The following NFIB variants were observed in gnomAD, a reference collection of about 807,000 sequenced individuals.
NFIB encodes nuclear factor 1 B-type.
A neutral mutation model predicts 61.5 loss-of-function variants in NFIB; 11 were observed. The ratio of observed to expected loss-of-function variants is 0.18; its 90% CI spans 0.11 to 0.30. NFIB has a LOEUF of 0.30. NFIB is among the 10% of genes least tolerant of loss of function. The probability of loss-of-function intolerance (pLI) is 1.00; values close to 1 mark genes in which losing one functional copy is unlikely to be tolerated. For synonymous variants in NFIB, 260 were observed against 216.5 expected (o/e 1.20, Z -1.76); for missense variants, 471 against 608.9 (o/e 0.77, Z 2.38).
chr9:14,515,479 T>C, the NFIB span, among the ~76,000 whole-genome samples: 1 of 152,242 alleles, frequency 6.6e-6, no homozygotes, highest in Non-Finnish European at 1.5e-5. Context: ...TGGATTTCAA[T>C]CCATGAGTGT....
At chr9:14,255,362 C>T (rs557934527) in intron 2 of NFIB, among the ~76,000 whole-genome samples, 1 of 152,310 alleles carries the variant, frequency 6.6e-6, no homozygotes, top group African/African-American at 2.4e-5. Context: ...ACTGACATTT[C>T]CTTAATGTAA....
chr9:14,358,864 C>G, intron 1 of NFIB, among the ~76,000 whole-genome samples: 1 of 152,170 alleles, frequency 6.6e-6, no homozygotes, highest in South Asian at 2.1e-4. Flanking sequence ...AGTTCACAAC[C>G]TTATAATTAA....
the NFIB span, among the ~76,000 whole-genome samples, chr9:14,416,401 A>C: frequency 9.9e-5 from 15 of 152,164 alleles, no homozygotes; most frequent in African/African-American, 3.4e-4. Flanking sequence ...CTGCCCCTGA[A>C]GACCTTCCAG....
At chr9:14,496,329 C>T in the NFIB span, among the ~76,000 whole-genome samples, 1 of 152,274 alleles carries the variant, frequency 6.6e-6, no homozygotes, top group South Asian at 2.1e-4. Flanking sequence ...CTTGGAGACA[C>T]TGAATAAACT....
chr9:14,409,043 T>C, the NFIB span, among the ~76,000 whole-genome samples: 1 of 152,174 alleles, frequency 6.6e-6, no homozygotes, highest in Non-Finnish European at 1.5e-5. Context: ...TGCCTAGTGA[T>C]ATACTGGTAC....
rs1484636805 is a variant in NFIB, at chr9:14,088,075, T to TAA, written c.*233_*234insTT. On this transcript the variant is annotated 3_prime_UTR_variant, in exon 11 of 11. Transcript: ENST00000380953. ...TGTAAGTGCTGCAATTGCTGGTCTA[T>TAA]TATCTTCTTTCTTCAGTTTCTTTCC... The TAA allele has an allele frequency of 3.3e-6, 3 of 907,498 alleles. No individual in the cohort carries two copies. The highest frequency in any genetic ancestry group is 4.5e-6 in the Non-Finnish European group (3 of 668,042). The allele number at this position is 907,498 out of a possible 1,614,324, so 56.2% of individuals were successfully genotyped here.
At chr9:14,304,585 GGA>G (rs1389300742) in intron 2 of NFIB, among the ~76,000 whole-genome samples, 2 of 152,312 alleles carry the variant, frequency 1.3e-5, no homozygotes, top group East Asian at 1.9e-4. Flanking sequence ...TTAGAAGTGG[GGA>G]GAGAGAAAAA....
chr9:14,492,546 C>T, the NFIB span, among the ~76,000 whole-genome samples: 1 of 152,008 alleles, frequency 6.6e-6, no homozygotes, highest in Admixed American at 6.6e-5. Flanking sequence ...GGGGAAGCAG[C>T]ACTTCACATG....
intron 2 of NFIB, among the ~76,000 whole-genome samples, chr9:14,206,780 T>G (rs1445330419): frequency 1.3e-5 from 2 of 151,908 alleles, no homozygotes; most frequent in Non-Finnish European, 2.9e-5. Context: ...TTGGTATATA[T>G]TGCCAAGTAG....
chr9:14,468,645 G>A, the NFIB span, among the ~76,000 whole-genome samples: 2 of 152,198 alleles, frequency 1.3e-5, no homozygotes, highest in African/African-American at 2.4e-5. Flanking sequence ...TTCTCCACTC[G>A]AATAAGATGC....
intron 3 of NFIB, among the ~76,000 whole-genome samples, chr9:14,170,694 T>G (rs2045471940): frequency 6.6e-6 from 1 of 152,118 alleles, no homozygotes; most frequent in Admixed American, 6.5e-5. Flanking sequence ...ACTACAACAC[T>G]GCCCAGAACA....
the NFIB span, among the ~76,000 whole-genome samples, chr9:14,466,289 T>C: frequency 5.9e-5 from 9 of 152,272 alleles, 1 homozygote; most frequent in South Asian, 1.9e-3. Context: ...GTCTGCCAAG[T>C]GGTAGTATGC....
At chr9:14,506,939 G>A in the NFIB span, among the ~76,000 whole-genome samples, 2 of 152,154 alleles carry the variant, frequency 1.3e-5, no homozygotes. Context: ...CAACTGTTAG[G>A]CGTGTTTTAA....
chr9:14,493,446 C>A, the NFIB span, among the ~76,000 whole-genome samples: 1 of 152,074 alleles, frequency 6.6e-6, no homozygotes, highest in Non-Finnish European at 1.5e-5. Flanking sequence ...ATCATTAGAT[C>A]TTTTAAAAGA....
intron 2 of NFIB, among the ~76,000 whole-genome samples, chr9:14,253,757 G>T (rs2055912462): frequency 6.6e-6 from 1 of 152,166 alleles, no homozygotes; most frequent in African/African-American, 2.4e-5. Context: ...CCTGGGTGCT[G>T]CCTCTAGGTA....
intron 2 of NFIB, 123 bp from the exon 3 acceptor site, chr9:14,179,903 A>G: frequency 1.3e-6 from 1 of 794,980 alleles, no homozygotes; most frequent in South Asian, 1.9e-5. Context: ...TAAATAAAAT[A>G]CACTTTCCCA....
At chr9:14,261,149 T>C (rs1240437365) in intron 2 of NFIB, among the ~76,000 whole-genome samples, 2 of 152,146 alleles carry the variant, frequency 1.3e-5, no homozygotes, top group Non-Finnish European at 2.9e-5. Context: ...AAACCCCGTC[T>C]CTACTAAAAA....
chr9:14,423,938 A>AC, the NFIB span, among the ~76,000 whole-genome samples: 1 of 151,008 alleles, frequency 6.6e-6, no homozygotes, highest in Non-Finnish European at 1.5e-5. Context: ...CACAAGGGCA[A>AC]CCCGGGTCGG....
At chr9:14,151,687 C>T (rs1237824264) in intron 4 of NFIB, among the ~76,000 whole-genome samples, 1 of 152,046 alleles carries the variant, frequency 6.6e-6, no homozygotes, top group Non-Finnish European at 1.5e-5. Context: ...GCTGCAGAAG[C>T]AAAATCATAG....
Sources: gnomAD v4.1 joint callset for allele counts (sites outside exome capture counted in the v4.1 genomes callset) on GRCh38, gnomAD v4.1.1 for gene constraint, MANE v1.5 for transcripts, NCBI Gene and HGNC (gene_info 2026-07-23, HGNC 2026-07-21) for gene names.